DLGAP2: variants seen among roughly 807,000 people sequenced by gnomAD.
The protein encoded by DLGAP2 is disks large-associated protein 2.
In DLGAP2, 26 loss-of-function variants were observed where a neutral mutation model predicts 100.3. The observed-to-expected ratio is 0.26, with a 90% confidence interval of 0.19 to 0.36. The LOEUF is 0.36. Among genes scored for constraint, DLGAP2 ranks in the 10% least tolerant of loss-of-function variants. The pLI is 1.00. For missense variants in DLGAP2, 1,858 were observed against 1,453.2 expected (o/e 1.28, Z -4.53); for synonymous variants, 886 against 630.1 (o/e 1.41, Z -6.08).
intron 1 of DLGAP2, chr8:739,600 A>C (rs1260890400): frequency 6.6e-6 from 1 of 152,266 alleles, no homozygotes; most frequent in Non-Finnish European, 1.5e-5. Flanking sequence ...AAATGATGAA[A>C]AAATGGTAAT....
intron 2 of DLGAP2, among the ~76,000 whole-genome samples, chr8:1,183,131 G>A (rs1191884737): frequency 6.6e-6 from 1 of 152,074 alleles, no homozygotes; most frequent in African/African-American, 2.4e-5. Context: ...GATGCCTTGT[G>A]GGTGGGGCAG....
chr8:791,974 C>T (rs1228279952), intron 1 of DLGAP2, among the ~76,000 whole-genome samples: 1 of 152,186 alleles, frequency 6.6e-6, no homozygotes, highest in Non-Finnish European at 1.5e-5. Flanking sequence ...AATCACGGTG[C>T]AGCTGTCACT....
At chr8:1,509,840 A>G (rs1342478424) in intron 4 of DLGAP2, among the ~76,000 whole-genome samples, 3 of 152,174 alleles carry the variant, frequency 2.0e-5, no homozygotes, top group Non-Finnish European at 4.4e-5. Context: ...TATCATTGTC[A>G]TCATTGCTCA....
intron 6 of DLGAP2, among the ~76,000 whole-genome samples, chr8:1,574,097 T>G (rs7824713): frequency 0.021 from 3,140 of 152,212 alleles, 97 homozygotes; most frequent in African/African-American, 0.064. Context: ...GCATCAGCCC[T>G]GCACAGAGCA....
intron 3 of DLGAP2, among the ~76,000 whole-genome samples, chr8:1,283,282 G>C (rs1262992295): frequency 6.6e-6 from 1 of 151,764 alleles, no homozygotes; most frequent in Non-Finnish European, 1.5e-5. Context: ...TCCGGACGTG[G>C]TGCGACCTGA....
intron 3 of DLGAP2, among the ~76,000 whole-genome samples, chr8:1,419,934 A>C (rs1797043278): frequency 6.6e-6 from 1 of 152,212 alleles, no homozygotes; most frequent in Non-Finnish European, 1.5e-5. Context: ...CCATCAACAG[A>C]AGAATGGAGA....
intron 2 of DLGAP2, among the ~76,000 whole-genome samples, chr8:1,113,508 T>C (rs936703058): frequency 7.2e-5 from 11 of 152,154 alleles, no homozygotes; most frequent in African/African-American, 2.7e-4. Flanking sequence ...CTTGGCTGTT[T>C]TTGGTGTGTA....
At chr8:748,127 C>A (rs562885751) in intron 1 of DLGAP2, among the ~76,000 whole-genome samples, 1 of 16,328 alleles carries the variant, frequency 6.1e-5, no homozygotes. Context: ...GGGAGCTCTG[C>A]GGTGGGATGG....
At chr8:1,008,739 C>A (rs775794423) in intron 2 of DLGAP2, among the ~76,000 whole-genome samples, 13 of 152,324 alleles carry the variant, frequency 8.5e-5, no homozygotes, top group African/African-American at 2.6e-4. Flanking sequence ...CCCGCTCCCC[C>A]ACCCCAGCAC....
intron 3 of DLGAP2, among the ~76,000 whole-genome samples, chr8:1,471,515 CG>C (rs1798790718): frequency 1.3e-5 from 2 of 149,118 alleles, no homozygotes; most frequent in African/African-American, 5.1e-5. Flanking sequence ...CCAGCCTCTG[CG>C]ATGCCCTCCC....
intron 2 of DLGAP2, among the ~76,000 whole-genome samples, chr8:1,174,702 CACT>C (rs1403283980): frequency 1.5e-5 from 2 of 132,576 alleles, no homozygotes; most frequent in Non-Finnish European, 1.5e-5. Context: ...CCATCACCAC[CACT>C]ATCACCATCA....
At chr8:1,516,341 G>A (rs547951081) in intron 4 of DLGAP2, among the ~76,000 whole-genome samples, 5 of 151,720 alleles carry the variant, frequency 3.3e-5, no homozygotes, top group Non-Finnish European at 7.4e-5. Flanking sequence ...GTTCATGAAT[G>A]AGTGAGTGAA....
At chr8:1,314,104 G>T (rs1800673681) in intron 3 of DLGAP2, among the ~76,000 whole-genome samples, 1 of 152,174 alleles carries the variant, frequency 6.6e-6, no homozygotes, top group Non-Finnish European at 1.5e-5. Context: ...TTAGATATGT[G>T]AAATATTGGT....
intron 2 of DLGAP2, among the ~76,000 whole-genome samples, chr8:1,238,526 C>T (rs1230963516): frequency 2.3e-4 from 27 of 118,386 alleles, no homozygotes; most frequent in Non-Finnish European, 3.7e-4. Flanking sequence ...TCACATGGCG[C>T]CGTGTCTGGT....
At chr8:994,046 G>A (rs997970758) in intron 2 of DLGAP2, among the ~76,000 whole-genome samples, 6 of 152,078 alleles carry the variant, frequency 3.9e-5, no homozygotes, top group Non-Finnish European at 8.8e-5. Context: ...AACCCAGCAG[G>A]CGTTGCGTAG....
chr8:1,548,458 GAAAA>G (rs773138776), intron 4 of DLGAP2, among the ~76,000 whole-genome samples, 164 bp from the exon 5 acceptor site: 33 of 41,578 alleles, frequency 7.9e-4, no homozygotes, highest in South Asian at 1.2e-3. Flanking sequence ...GACTGTCTCA[GAAAA>G]AAAAAAAAAA....
At chr8:1,503,177 T>G (rs1359550733) in intron 4 of DLGAP2, among the ~76,000 whole-genome samples, 1 of 152,152 alleles carries the variant, frequency 6.6e-6, no homozygotes, top group Non-Finnish European at 1.5e-5. Context: ...TGTAAGTAAG[T>G]TCAACAGCAT....
At position 1,356,959 on chromosome 8, in the gene DLGAP2, C is replaced by T. The variant is rs750355315; in HGVS notation, c.106+98076C>T. 7.2e-5 allele frequency among the ~76,000 whole-genome samples: 11 copies of T among 152,194 alleles called. 1 individual carries two copies. Among genetic ancestry groups the T allele is most frequent in the Admixed American group, 1.3e-4 (2 of 15,288 alleles). On this transcript the variant is annotated intron_variant, in intron 3 of 14. Transcript: ENST00000637795. ...CATTCGGCAAACCCGCGAGCAGCTG[C>T]GAGGGCTGAGGCTGTGCTCATAACC... is the stretch of plus-strand genomic sequence containing the variant.
chr8:1,492,838 G>A (rs974396394), intron 3 of DLGAP2, among the ~76,000 whole-genome samples: 1 of 152,120 alleles, frequency 6.6e-6, no homozygotes, highest in African/African-American at 2.4e-5. Context: ...GGAGAGCTGC[G>A]GGACAGTAGG....
Sources: allele counts gnomAD v4.1 joint callset (sites outside exome capture counted in the v4.1 genomes callset), GRCh38; gene constraint gnomAD v4.1.1; transcripts MANE v1.5; gene names NCBI Gene and HGNC (gene_info 2026-07-23, HGNC 2026-07-21).